Variants in UNC5D observed in about 807,000 individuals in gnomAD.
The protein encoded by UNC5D is netrin receptor UNC5D.
A neutral mutation model predicts 105.4 loss-of-function variants in UNC5D; 39 were observed. That is an observed-to-expected ratio of 0.37 (90% CI 0.29 to 0.48). The LOEUF (loss-of-function observed/expected upper bound fraction) is 0.48, where lower values mean the gene tolerates loss of function less well. Among genes scored for constraint, UNC5D ranks in the 20% least tolerant of loss-of-function variants. The probability of loss-of-function intolerance (pLI) is 0.98; values close to 1 mark genes in which losing one functional copy is unlikely to be tolerated. For missense variants in UNC5D, 991 were observed against 1,202.4 expected (o/e 0.82, Z 2.60); for synonymous variants, 452 against 450.4 (o/e 1.00, Z -0.04).
intron 1 of UNC5D, among the ~76,000 whole-genome samples, chr8:35,248,321 GTTATATAAAATATATAATATATAAA>G (rs1803341245): frequency 8.7e-6 from 1 of 115,480 alleles, no homozygotes; most frequent in Non-Finnish European, 1.6e-5. Flanking sequence ...ATAAATATAT[GTTATATAAAATATATAATATATAAA>G]TATATGTTAT....
chr8:35,725,589 C>T (rs1828814922), intron 9 of UNC5D, among the ~76,000 whole-genome samples: 1 of 152,012 alleles, frequency 6.6e-6, no homozygotes. Context: ...ATGAGGTGCC[C>T]TGACCCTTTT....
chr8:35,475,939 C>G (rs1006643703), intron 1 of UNC5D, among the ~76,000 whole-genome samples: 1 of 152,152 alleles, frequency 6.6e-6, no homozygotes, highest in East Asian at 1.9e-4. Flanking sequence ...CTAATGCTTA[C>G]TGAGTGCCCA....
At chr8:35,411,160 T>C (rs559633211) in intron 1 of UNC5D, among the ~76,000 whole-genome samples, 1 of 152,130 alleles carries the variant, frequency 6.6e-6, no homozygotes, top group Admixed American at 6.6e-5. Flanking sequence ...GACAGTGCTA[T>C]TCTAGCGACG....
intron 7 of UNC5D, among the ~76,000 whole-genome samples, chr8:35,703,199 A>C (rs552840157): frequency 6.7e-6 from 1 of 148,350 alleles, no homozygotes; most frequent in South Asian, 2.1e-4. Context: ...TTTTTTTTTT[A>C]CTCTGACAAT....
At chr8:35,689,738 AT>A (rs2131367571) in intron 7 of UNC5D, among the ~76,000 whole-genome samples, 1 of 152,258 alleles carries the variant, frequency 6.6e-6, no homozygotes, top group Non-Finnish European at 1.5e-5. Flanking sequence ...TCTTCAACTG[AT>A]TGGATGAGGC....
intron 1 of UNC5D, among the ~76,000 whole-genome samples, chr8:35,406,750 A>T (rs1585769613): frequency 6.6e-6 from 1 of 152,296 alleles, no homozygotes; most frequent in Middle Eastern, 3.4e-3. Context: ...TGAAGTCTAA[A>T]GAATGCTAGT....
At chr8:35,262,583 G>A (rs985497213) in intron 1 of UNC5D, among the ~76,000 whole-genome samples, 2 of 152,166 alleles carry the variant, frequency 1.3e-5, no homozygotes, top group Admixed American at 6.5e-5. Context: ...AGCAATGATT[G>A]TACTGAAAGA....
intron 1 of UNC5D, among the ~76,000 whole-genome samples, chr8:35,281,528 C>T (rs113947865): frequency 6.6e-6 from 1 of 152,152 alleles, no homozygotes; most frequent in African/African-American, 2.4e-5. Flanking sequence ...CAACCTCCGC[C>T]TCCCGGGTTC....
intron 1 of UNC5D, among the ~76,000 whole-genome samples, chr8:35,247,488 C>T (rs1803192681): frequency 7.5e-6 from 1 of 133,902 alleles, no homozygotes; most frequent in South Asian, 2.2e-4. Context: ...CAGTATGAAT[C>T]TACTAGGAGA....
chr8:35,310,379 G>A (rs185648945), intron 1 of UNC5D, among the ~76,000 whole-genome samples: 2 of 152,242 alleles, frequency 1.3e-5, no homozygotes, highest in East Asian at 1.9e-4. Context: ...CCAGCACTTC[G>A]GAGGCTGAGG....
chr8:35,357,901 C>T lies in UNC5D; in HGVS notation c.103+122014C>T, dbSNP rs551614505. 2.6e-5 allele frequency among the ~76,000 whole-genome samples: 4 copies of T among 152,122 alleles called. No homozygotes were observed. In the South Asian group the frequency reaches 8.3e-4, roughly 32 times the overall value. ...CCTTCCATCCTCCCTTCCTTCATTC[C>T]TTTCTTGTTTCTTTGCTTATTACCT... On this transcript the variant is annotated intron_variant, in intron 1 of 16. Transcript: ENST00000404895.
At chr8:35,398,468 G>T (rs1031599502) in intron 1 of UNC5D, among the ~76,000 whole-genome samples, 1 of 151,896 alleles carries the variant, frequency 6.6e-6, no homozygotes, top group Non-Finnish European at 1.5e-5. Context: ...AGAGCTAGTA[G>T]ATACTTTATA....
chr8:35,342,208 C>A (rs568899575), intron 1 of UNC5D, among the ~76,000 whole-genome samples: 1 of 152,122 alleles, frequency 6.6e-6, no homozygotes, highest in South Asian at 2.1e-4. Context: ...GATTTTGGAC[C>A]TTTTCCGTGA....
At position 35,759,533 on chromosome 8, in the gene UNC5D, C is replaced by A. The variant is rs1801425673; in HGVS notation, c.2313+64C>A. Reference sequence around the variant, plus strand: ...TTTAACCGGCAAGCATGTCACAGATCCTGGCAAGGGTCTGCTTGATTTTCC... The same window carrying A: ...TTTAACCGGCAAGCATGTCACAGATACTGGCAAGGGTCTGCTTGATTTTCC... On this transcript the variant is annotated intron_variant, in intron 14 of 16. Coordinates refer to ENST00000404895, the MANE Select transcript of UNC5D (RefSeq NM_080872.4). 5 of 1,560,732 alleles carry A rather than the reference C, an allele frequency of 3.2e-6. No individual in the cohort carries two copies. In the African/African-American group the frequency reaches 4.1e-5, roughly 13 times the overall value.
intron 1 of UNC5D, among the ~76,000 whole-genome samples, chr8:35,451,810 A>C (rs28394156): frequency 0.046 from 7,056 of 152,140 alleles, 179 homozygotes; most frequent in African/African-American, 0.062. Flanking sequence ...CTAGTGGTTG[A>C]TTTCTCAAAT....
At chr8:35,302,224 A>G (rs1477877104) in intron 1 of UNC5D, among the ~76,000 whole-genome samples, 1 of 152,166 alleles carries the variant, frequency 6.6e-6, no homozygotes, top group Non-Finnish European at 1.5e-5. Flanking sequence ...GAATGAGAGA[A>G]GCTCTGAGTC....
rs186044486 is a variant in UNC5D at position 35,624,153 on chromosome 8, G to A, written c.570+28496G>A. On this transcript the variant is annotated intron_variant, in intron 4 of 16. Transcript: ENST00000404895. ...AGCTAAAAAAGTCATCACAGATCAC[G>A]CATGTTGTGAATGAATGATGTATGG... Among the ~76,000 whole-genome samples the A allele has an allele frequency of 5.7e-4, 86 of 152,108 alleles. 1 individual carries two copies. The highest frequency in any genetic ancestry group is 9.4e-4 in the Non-Finnish European group (64 of 68,000).
At chr8:35,419,525 C>T (rs1805749743) in intron 1 of UNC5D, among the ~76,000 whole-genome samples, 1 of 152,196 alleles carries the variant, frequency 6.6e-6, no homozygotes, top group African/African-American at 2.4e-5. Context: ...CATGGAGCCC[C>T]AAAGGGTGTT....
intron 1 of UNC5D, among the ~76,000 whole-genome samples, chr8:35,247,138 T>A (rs935014251): frequency 5.9e-5 from 9 of 151,844 alleles, no homozygotes; most frequent in Non-Finnish European, 7.4e-5. Context: ...ACAAAAGTAA[T>A]CAATAGAGGC....
Sources: gnomAD v4.1 joint callset for allele counts (sites outside exome capture counted in the v4.1 genomes callset) on GRCh38, gnomAD v4.1.1 for gene constraint, MANE v1.5 for transcripts, NCBI Gene and HGNC (gene_info 2026-07-23, HGNC 2026-07-21) for gene names.